KCNMB2: variants seen among roughly 807,000 people sequenced by gnomAD.
KCNMB2 encodes the protein calcium-activated potassium channel subunit beta-2.
Under a neutral mutation model 24.5 loss-of-function variants are expected in KCNMB2, and 9 were observed. The observed-to-expected ratio is 0.37, with a 90% CI of 0.22 to 0.64. The LOEUF (loss-of-function observed/expected upper bound fraction) is 0.64, where lower values mean the gene tolerates loss of function less well. KCNMB2 is among the 30% of genes least tolerant of loss of function. The probability of loss-of-function intolerance (pLI) is 0.63; values close to 1 mark genes in which losing one functional copy is unlikely to be tolerated. For synonymous variants in KCNMB2, 109 were observed against 104.4 expected, an observed-to-expected ratio of 1.04 and a Z score of -0.27; for missense variants, 226 against 284.3, an observed-to-expected ratio of 0.79 and a Z score of 1.47.
chr3:178,693,199 G>A (rs553057927), intron 1 of KCNMB2, among the ~76,000 whole-genome samples: 2 of 152,268 alleles, frequency 1.3e-5, no homozygotes, highest in Admixed American at 6.5e-5. Context: ...CTGCAAATTA[G>A]GATATTTTGA....
chr3:178,635,043 G>T (rs1719466740), intron 1 of KCNMB2, among the ~76,000 whole-genome samples: 1 of 152,098 alleles, frequency 6.6e-6, no homozygotes, highest in Non-Finnish European at 1.5e-5. Flanking sequence ...ATTGAATTCT[G>T]TTTTCATGTA....
At position 178,614,280 on chromosome 3, in the gene KCNMB2, T is replaced by C. The variant is rs1264749465; in HGVS notation, c.-68+77569T>C. 1.4e-4 allele frequency among the ~76,000 whole-genome samples: 16 copies of C among 113,784 alleles called. 1 individual carries two copies. Among genetic ancestry groups the C allele is most frequent in the Admixed American group, 1.3e-3 (14 of 10,520 alleles). The allele number at this position is 113,784 out of a possible 152,430, so 74.6% of individuals were successfully genotyped here. ...ATATATATATATATATATATATATATATATATATATATATATGTATGTATA... is the reference window on the plus strand; with the variant it reads ...ATATATATATATATATATATATATACATATATATATATATATGTATGTATA... On this transcript the variant is annotated intron_variant, in intron 1 of 4. Transcript: ENST00000452583.
At chr3:178,780,061 A>T (rs1425207889) in intron 1 of KCNMB2, among the ~76,000 whole-genome samples, 35 of 149,928 alleles carry the variant, frequency 2.3e-4, no homozygotes, top group East Asian at 1.4e-3. Context: ...TTTAAAAAAA[A>T]AAAAAAAAAA....
At chr3:178,759,295 A>T (rs1332140818) in intron 1 of KCNMB2, among the ~76,000 whole-genome samples, 1 of 120,612 alleles carries the variant, frequency 8.3e-6, no homozygotes, top group Non-Finnish European at 1.7e-5. Flanking sequence ...CCAAGAGGAG[A>T]CATATATATA....
intron 1 of KCNMB2, among the ~76,000 whole-genome samples, chr3:178,668,966 C>A (rs1252615491): frequency 6.6e-6 from 1 of 152,142 alleles, no homozygotes; most frequent in African/African-American, 2.4e-5. Flanking sequence ...AGGTCCAATT[C>A]ATCCAATTCA....
At chr3:178,572,388 T>C (rs1716836279) in intron 1 of KCNMB2, among the ~76,000 whole-genome samples, 1 of 152,182 alleles carries the variant, frequency 6.6e-6, no homozygotes, top group African/African-American at 2.4e-5. Flanking sequence ...AAAGAACAAG[T>C]GCTATCTTGT....
At chr3:178,556,550 G>A (rs187312496) in intron 1 of KCNMB2, among the ~76,000 whole-genome samples, 30 of 152,128 alleles carry the variant, frequency 2.0e-4, no homozygotes, top group Admixed American at 1.2e-3. Context: ...GATTACAGGC[G>A]CCTGCCACCA....
intron 1 of KCNMB2, among the ~76,000 whole-genome samples, chr3:178,641,514 T>C (rs1031343217): frequency 1.3e-5 from 2 of 152,186 alleles, no homozygotes; most frequent in Admixed American, 6.5e-5. Context: ...TTTTATATAT[T>C]AACCTTTTGT....
Position 178,843,401 on chromosome 3 carries a change from T to C in KCNMB2, c.*464T>C, listed in dbSNP as rs930995545. On this transcript the variant is annotated 3_prime_UTR_variant, in exon 5 of 5. Transcript: ENST00000452583. ...CCCTATAGCAAGTGAAGGGACCAGATTTCCTAATTAAAGGAAGTTAGGTAC... is the reference window on the plus strand; with the variant it reads ...CCCTATAGCAAGTGAAGGGACCAGACTTCCTAATTAAAGGAAGTTAGGTAC... The C allele has an allele frequency of 4.3e-5, 9 of 209,410 alleles. No individual in the cohort carries two copies. In the East Asian group the frequency reaches 8.4e-4, roughly 19 times the overall value. 13.0% of individuals were successfully genotyped at this position (209,410 alleles called of 1,614,324 possible).
intron 1 of KCNMB2, among the ~76,000 whole-genome samples, chr3:178,708,628 C>A (rs1171127790): frequency 6.6e-6 from 1 of 152,090 alleles, no homozygotes; most frequent in African/African-American, 2.4e-5. Flanking sequence ...AATAGCATCA[C>A]CTACAACTTA....
intron 1 of KCNMB2, among the ~76,000 whole-genome samples, chr3:178,765,815 C>G (rs940402008): frequency 3.3e-5 from 5 of 152,176 alleles, no homozygotes; most frequent in African/African-American, 1.2e-4. Flanking sequence ...TCTTCCTGTT[C>G]ATCGAGCCCT....
intron 1 of KCNMB2, among the ~76,000 whole-genome samples, chr3:178,567,227 G>C (rs1481621982): frequency 1.3e-5 from 2 of 152,108 alleles, no homozygotes; most frequent in Admixed American, 6.6e-5. Flanking sequence ...ATGTGTGAGA[G>C]CGTGTGAGAG....
At chr3:178,836,834 T>C (rs1715248512) in intron 4 of KCNMB2, among the ~76,000 whole-genome samples, 1 of 152,176 alleles carries the variant, frequency 6.6e-6, no homozygotes, top group African/African-American at 2.4e-5. Flanking sequence ...ATGATGGATG[T>C]TTATTTTTTC....
chr3:178,746,287 T>C (rs1338059184), intron 1 of KCNMB2, among the ~76,000 whole-genome samples: 2 of 152,208 alleles, frequency 1.3e-5, no homozygotes, highest in Admixed American at 6.5e-5. Flanking sequence ...GGCTTGAGGC[T>C]TGCACCCTCT....
intron 1 of KCNMB2, among the ~76,000 whole-genome samples, chr3:178,655,365 G>A (rs939201713): frequency 3.3e-5 from 5 of 152,102 alleles, no homozygotes; most frequent in Admixed American, 3.3e-4. Context: ...GAAAAATTTA[G>A]TGACAAAAAG....
At chr3:178,578,459 A>AACTGCATCAACTGAC (rs1381360176) in intron 1 of KCNMB2, among the ~76,000 whole-genome samples, 1 of 152,240 alleles carries the variant, frequency 6.6e-6, no homozygotes, top group Admixed American at 6.5e-5. Flanking sequence ...ACTATAAAGA[A>AACTGCATCAACTGAC]ACTGCATCAA....
At chr3:178,818,001 G>C (rs1331422162) in intron 2 of KCNMB2, among the ~76,000 whole-genome samples, 1 of 152,136 alleles carries the variant, frequency 6.6e-6, no homozygotes, top group African/African-American at 2.4e-5. Context: ...TGTAAGTTCT[G>C]GAAGAGCTCT....
At chr3:178,703,618 T>A (rs148398424) in intron 1 of KCNMB2, among the ~76,000 whole-genome samples, 4 of 152,308 alleles carry the variant, frequency 2.6e-5, no homozygotes, top group Non-Finnish European at 4.4e-5. Context: ...TAGCTAACAG[T>A]ACTCAGCTAA....
chr3:178,667,582 C>T (rs1337280575), intron 1 of KCNMB2, among the ~76,000 whole-genome samples: 4 of 152,058 alleles, frequency 2.6e-5, no homozygotes, highest in Non-Finnish European at 5.9e-5. Context: ...CAGCACAAAA[C>T]AGACTAAGAC....
Sources: gnomAD v4.1 joint callset for allele counts (sites outside exome capture counted in the v4.1 genomes callset) on GRCh38, gnomAD v4.1.1 for gene constraint, MANE v1.5 for transcripts, NCBI Gene and HGNC (gene_info 2026-07-23, HGNC 2026-07-21) for gene names.